Variants in ABCC1 observed in about 807,000 individuals in gnomAD.
ABCC1 encodes multidrug resistance-associated protein 1.
A neutral mutation model predicts 172.9 loss-of-function variants in ABCC1; 83 were observed. The ratio of observed to expected loss-of-function variants is 0.48; its 90% CI spans 0.40 to 0.58. The LOEUF (loss-of-function observed/expected upper bound fraction) is 0.58. Ranked by LOEUF, ABCC1 falls within the 20% of genes least tolerant of loss-of-function variation. The pLI is 0.00. For missense variants in ABCC1, 1,817 were observed against 2,002.7 expected (o/e 0.91, Z 1.77); for synonymous variants, 937 against 825.2 (o/e 1.14, Z -2.32).
intron 5 of ABCC1, among the ~76,000 whole-genome samples, chr16:16,018,813 G>GTA (rs1222815869): frequency 7.2e-5 from 11 of 152,108 alleles, no homozygotes; most frequent in Admixed American, 1.3e-4. Flanking sequence ...TTGTGTGTGT[G>GTA]TGTGTCTTTG....
intron 1 of ABCC1, among the ~76,000 whole-genome samples, chr16:15,987,989 G>C (rs144710526): frequency 6.6e-6 from 1 of 152,038 alleles, no homozygotes; most frequent in African/African-American, 2.4e-5. Flanking sequence ...ATGGAGTCTC[G>C]CTCTGTCACC....
At position 16,004,235 on chromosome 16, in the gene ABCC1, A is replaced by AG. The variant is rs386384352; in HGVS notation, c.49-3581_49-3580insG. 6.0e-3 allele frequency among the ~76,000 whole-genome samples: 245 copies of AG among 40,674 alleles called. 1 individual carries two copies. Among genetic ancestry groups the AG allele is most frequent in the East Asian group, 0.036 (68 of 1,888 alleles). 26.7% of individuals were successfully genotyped at this position (40,674 alleles called of 152,430 possible). On this transcript the variant is annotated intron_variant, in intron 1 of 30. Transcript: ENST00000399410. ...CAGTGAAGACTTAGGAAGCAGTTGCATAGTCCTGGCAAGGAATAATTTGGG... is the reference window on the plus strand; with the variant it reads ...CAGTGAAGACTTAGGAAGCAGTTGCAGTAGTCCTGGCAAGGAATAATTTGGG...
chr16:15,990,928 G>A (rs1020396037), intron 1 of ABCC1, among the ~76,000 whole-genome samples: 2 of 151,372 alleles, frequency 1.3e-5, no homozygotes, highest in African/African-American at 2.4e-5. Flanking sequence ...CTCCCAAAGC[G>A]GTGGGATTAC....
Position 16,125,906 on chromosome 16 carries a change from A to G in ABCC1, c.3814A>G (p.Lys1272Glu). ...GCTCAAGGAGTATTCAGAGACTGAG[A>G]AGGAGGTAGGCAAGGGCCCCTGGCT... ...ERLKEYSETE[K>E]EAPWQIQETA... Residue 1272 changes from lysine to glutamate, a missense_variant, in exon 26 of 31, where the codon AAG becomes GAG. Lys to Glu is a moderately conservative substitution (Grantham distance 56). This residue lies in a region of ABCC1 where 1,412 missense variants were observed against 1,600.3 expected (regional missense o/e 0.88). Transcript: ENST00000399410. The G allele has an allele frequency of 6.2e-7, 1 of 1,613,590 alleles. No homozygotes were observed. The highest frequency in any genetic ancestry group is 8.5e-7 in the Non-Finnish European group (1 of 1,179,728).
At chr16:16,005,139 T>TGGGG (rs2047480843) in intron 1 of ABCC1, among the ~76,000 whole-genome samples, 1 of 150,096 alleles carries the variant, frequency 6.7e-6, no homozygotes, top group African/African-American at 2.4e-5. Context: ...TGACACTCCA[T>TGGGG]GGGGGTCTCA....
rs573017786 is a variant in ABCC1 at position 16,000,009 on chromosome 16, C to T, written c.49-7807C>T. Among the ~76,000 whole-genome samples, 255 of 150,462 alleles carry T rather than the reference C, an allele frequency of 1.7e-3. 2 individuals are homozygous for T. Among genetic ancestry groups the T allele is most frequent in the Non-Finnish European group, 5.9e-4 (40 of 67,620 alleles). Reference sequence around the variant, plus strand: ...AGCTGGGACTACAGGTGCATGCCACCATGCCTGGCTAATTTTTGTATTTTT... The same window carrying T: ...AGCTGGGACTACAGGTGCATGCCACTATGCCTGGCTAATTTTTGTATTTTT... On this transcript the variant is annotated intron_variant, in intron 1 of 30. Transcript: ENST00000399410.
intron 13 of ABCC1, among the ~76,000 whole-genome samples, chr16:16,070,923 A>C (rs955115301): frequency 6.6e-6 from 1 of 152,108 alleles, no homozygotes; most frequent in Non-Finnish European, 1.5e-5. Context: ...AACTAACAAT[A>C]AGTTTTTACA....
intron 1 of ABCC1, among the ~76,000 whole-genome samples, chr16:15,961,247 C>G (rs186291201): frequency 1.3e-5 from 2 of 152,086 alleles, no homozygotes; most frequent in African/African-American, 4.8e-5. Context: ...ACTTGGGTTT[C>G]CCCACTCCCC....
intron 1 of ABCC1, among the ~76,000 whole-genome samples, chr16:15,979,072 C>G (rs1468970886): frequency 2.0e-5 from 3 of 152,088 alleles, no homozygotes; most frequent in Non-Finnish European, 2.9e-5. Context: ...GTGGGCGGAT[C>G]ATGAGGTCAA....
intron 19 of ABCC1, among the ~76,000 whole-genome samples, chr16:16,099,320 T>G (rs1417799494): frequency 6.6e-6 from 1 of 152,128 alleles, no homozygotes; most frequent in East Asian, 1.9e-4. Context: ...CAATGCAGGG[T>G]GATCAGCGCC....
intron 1 of ABCC1, among the ~76,000 whole-genome samples, chr16:15,987,675 AC>A (rs1471569427): frequency 6.6e-6 from 1 of 152,242 alleles, no homozygotes; most frequent in Non-Finnish European, 1.5e-5. Context: ...AACATAGATC[AC>A]GGCACATCAA....
chr16:16,116,007 A>G (rs1409087081), intron 23 of ABCC1, among the ~76,000 whole-genome samples: 2 of 151,388 alleles, frequency 1.3e-5, no homozygotes, highest in Non-Finnish European at 2.9e-5. Context: ...GGTTCACACC[A>G]TTCTCCTGCC....
rs372839038 is a variant in ABCC1 at position 16,111,597 on chromosome 16, C to G, written c.3079+15C>G. 1.9e-6 allele frequency: 3 copies of G among 1,605,788 alleles called. No individual in the cohort carries two copies. Among genetic ancestry groups the G allele is most frequent in the Non-Finnish European group, 2.6e-6 (3 of 1,176,056 alleles). ...CATTTCACAAGGTTGGTGCCGCTGT[C>G]TCCCACCCCGCCTGATTTGGGCCCC... On this transcript the variant is annotated intron_variant, in intron 22 of 30. Transcript: ENST00000399410.
intron 1 of ABCC1, among the ~76,000 whole-genome samples, chr16:15,991,346 T>A (rs45481695): frequency 0.049 from 7,488 of 152,170 alleles, 248 homozygotes; most frequent in Non-Finnish European, 0.078. Flanking sequence ...TCTTTCCCTT[T>A]TCTTAATTTT....
chr16:15,978,618 G>C (rs1005776925), intron 1 of ABCC1, among the ~76,000 whole-genome samples: 4 of 152,082 alleles, frequency 2.6e-5, no homozygotes, highest in African/African-American at 9.7e-5. Context: ...GGTTGTTTCT[G>C]GTTCAAGTCC....
intron 8 of ABCC1, 131 bp downstream of exon 8, chr16:16,044,811 C>G: frequency 1.2e-6 from 1 of 826,324 alleles, no homozygotes. Flanking sequence ...TCCATTTTTA[C>G]TTTAGCTTTT....
intron 18 of ABCC1, among the ~76,000 whole-genome samples, chr16:16,087,458 CCT>C (rs943696403): frequency 2.0e-5 from 3 of 151,864 alleles, no homozygotes; most frequent in African/African-American, 7.3e-5. Flanking sequence ...TTTTTCTCCC[CCT>C]GATTTTATTT....
At chr16:16,118,438 TTTTTTTC>T (rs1222268969) in intron 23 of ABCC1, among the ~76,000 whole-genome samples, 78 of 146,620 alleles carry the variant, frequency 5.3e-4, no homozygotes, top group Middle Eastern at 3.4e-3. Flanking sequence ...TTTTTTTTTT[TTTTTTTC>T]CCCTGCATTT....
intron 2 of ABCC1, 116 bp downstream of exon 2, chr16:16,008,108 T>A: frequency 9.5e-7 from 1 of 1,054,248 alleles, no homozygotes; most frequent in Non-Finnish European, 1.4e-6. Context: ...TTCCTTCTTC[T>A]AGAAGGCAGA....
Sources: gnomAD v4.1 joint callset for allele counts (sites outside exome capture counted in the v4.1 genomes callset) on GRCh38, gnomAD v4.1.1 for gene constraint, gnomAD v4.1.1 regional missense constraint, MANE v1.5 for transcripts, NCBI Gene and HGNC (gene_info 2026-07-23, HGNC 2026-07-21) for gene names.